The following RNF103 variants were observed in gnomAD, a reference collection of about 807,000 sequenced individuals.
The protein encoded by RNF103 is E3 ubiquitin-protein ligase RNF103.
A neutral mutation model predicts 66.2 loss-of-function variants in RNF103; 23 were observed. That is an observed-to-expected ratio of 0.35 (90% CI 0.25 to 0.49). RNF103 has a LOEUF of 0.49. Ranked by LOEUF, RNF103 falls within the 20% of genes least tolerant of loss-of-function variation. RNF103 has a pLI of 0.98. For synonymous variants in RNF103, 297 were observed against 289.9 expected, an observed-to-expected ratio of 1.02 and a Z score of -0.25; for missense variants, 730 against 814.7, an observed-to-expected ratio of 0.90 and a Z score of 1.27.
intron 2 of RNF103, chr2:86,614,592 G>T: frequency 4.9e-6 from 1 of 205,182 alleles, no homozygotes; most frequent in Non-Finnish European, 8.4e-6. Context: ...AACAGAGCAA[G>T]ACTCCATCTC....
In RNF103 at chr2:86,603,807, G is replaced by C; in HGVS notation, c.*36C>G. 2 of 1,562,228 alleles carry C rather than the reference G, an allele frequency of 1.3e-6. No homozygotes were observed. The highest frequency in any genetic ancestry group is 1.7e-6 in the Non-Finnish European group (2 of 1,158,106). ...CTAACATTAAAAAGGCAAGCTGTAA[G>C]ATACTCAAAGCTTATAAAGGACAAA... is the stretch of plus-strand genomic sequence containing the variant. On this transcript the variant is annotated 3_prime_UTR_variant, in exon 4 of 4. Coordinates refer to ENST00000237455, the MANE Select transcript of RNF103 (RefSeq NM_005667.4).
Position 86,622,876 on chromosome 2 carries a change from T to C in RNF103, c.11A>G (p.Lys4Arg). The change falls in exon 1 of 4, where the codon AAG becomes AGG. Residue 4 changes from lysine to arginine, a missense_variant. Transcript: ENST00000237455. MWLKLFFLLLYFLV... is the reference protein window; with the variant it reads MWLRLFFLLLYFLV... ...GAAATAGAGGAGCAAGAAAAAAAGC[T>C]TCAGCCACATCTTCCCTGGAGTTTC... The C allele has an allele frequency of 6.2e-7, 1 of 1,604,782 alleles. No homozygotes were observed.
Position 86,612,181 on chromosome 2 carries a change from A to G in RNF103, c.460T>C (p.Phe154Leu). Residue 154 changes from phenylalanine (F) to leucine (L), a missense_variant, in exon 3 of 4, where the codon TTT (phenylalanine) becomes CTT (leucine). By Grantham distance (22) the Phe-to-Leu change is conservative. This residue lies in a region of RNF103 where 327 missense variants were observed against 369.8 expected (regional missense o/e 0.88). Transcript: ENST00000237455. ...TACCTGGGATCACTGGAACAGTTAAATGTGCCTGTACGTATTCCAAATCTT... is the reference window on the plus strand; with the variant it reads ...TACCTGGGATCACTGGAACAGTTAAGTGTGCCTGTACGTATTCCAAATCTT... ...VSRFGIRTGT[F>L]NCSSDPRYCR... 6.2e-7 allele frequency: 1 copy of G among 1,612,554 alleles called. No individual in the cohort carries two copies. The highest frequency in any genetic ancestry group is 1.3e-5 in the African/African-American group (1 of 74,942).
intron 3 of RNF103, among the ~76,000 whole-genome samples, chr2:86,609,335 C>G (rs1396496337): frequency 6.6e-6 from 1 of 151,740 alleles, no homozygotes; most frequent in Non-Finnish European, 1.5e-5. Flanking sequence ...GCCTGCAGAA[C>G]AGTGAGCTAA....
rs752328725 is a variant in RNF103 at position 86,604,320 on chromosome 2, TTCC to T, written c.1578_1580del (p.Glu527del). 2.5e-5 allele frequency: 41 copies of T among 1,614,108 alleles called. No homozygotes were observed. The East Asian group carries it at 8.7e-4, about 34-fold the overall frequency. On this transcript the variant is annotated inframe_deletion, in exon 4 of 4. Transcript: ENST00000237455. ...CAGTATCTTGAGACCCCTCCGACAT[TTCC>T]TCTTCAGACTGGACTCCAAGACATT...
rs1679304598 is a variant in RNF103, at chr2:86,623,262, G to A, written c.-376C>T. On this transcript the variant is annotated 5_prime_UTR_variant, in exon 1 of 4. Transcript: ENST00000237455. Reference sequence around the variant, plus strand: ...CGGGGCGGGCACTGACCCAGGTGGCGGGGTCGGCCCTCCGGTGCCGCGATC... The same window carrying A: ...CGGGGCGGGCACTGACCCAGGTGGCAGGGTCGGCCCTCCGGTGCCGCGATC... 7 of 1,000,264 alleles carry A rather than the reference G, an allele frequency of 7.0e-6. No individual in the cohort carries two copies. Among genetic ancestry groups the A allele is most frequent in the Non-Finnish European group, 8.3e-6 (7 of 841,032 alleles). 62.0% of individuals were successfully genotyped at this position (1,000,264 alleles called of 1,614,324 possible).
intron 2 of RNF103, chr2:86,617,538 CAT>C (rs1679066925): frequency 1.6e-6 from 1 of 631,648 alleles, no homozygotes; most frequent in Middle Eastern, 8.1e-4. Context: ...TAGGAAAAAA[CAT>C]AGACTATATA....
chr2:86,610,304 A>G (rs1678744048), intron 3 of RNF103, among the ~76,000 whole-genome samples: 3 of 152,248 alleles, frequency 2.0e-5, no homozygotes. Context: ...GATTTAGAGG[A>G]AAACATCTGG....
At position 86,623,809 on chromosome 2, in the gene RNF103, G is replaced by A. The variant is rs766798905; in HGVS notation, c.-923C>T. On this transcript the variant is annotated 5_prime_UTR_variant, in exon 1 of 4. Transcript: ENST00000237455. ...ACCCCCGCCACCTCCGGAGACCGCG[G>A]CCGTACCCTCCACAACCGTGTATCA... 2 of 1,284,670 alleles carry A rather than the reference G, an allele frequency of 1.6e-6. No individual in the cohort carries two copies. Among genetic ancestry groups the A allele is most frequent in the Non-Finnish European group, 2.0e-6 (2 of 987,166 alleles). 79.6% of individuals were successfully genotyped at this position (1,284,670 alleles called of 1,614,324 possible).
intron 2 of RNF103, among the ~76,000 whole-genome samples, chr2:86,615,657 G>A (rs1678990839): frequency 6.6e-6 from 1 of 151,836 alleles, no homozygotes. Flanking sequence ...CATTAAAAGG[G>A]GAGACATTTT....
chr2:86,607,211 T>C (rs1678606378), intron 3 of RNF103, among the ~76,000 whole-genome samples: 1 of 152,218 alleles, frequency 6.6e-6, no homozygotes, highest in Non-Finnish European at 1.5e-5. Context: ...TGACTTCGCA[T>C]TTTGCTACTC....
At chr2:86,607,358 T>C (rs1321091089) in intron 3 of RNF103, among the ~76,000 whole-genome samples, 1 of 152,196 alleles carries the variant, frequency 6.6e-6, no homozygotes, top group Non-Finnish European at 1.5e-5. Context: ...TGTATAATGA[T>C]AATATGACTA....
At chr2:86,613,084 AC>A (rs1234590771) in intron 2 of RNF103, 1 of 152,110 alleles carries the variant, frequency 6.6e-6, no homozygotes, top group African/African-American at 2.4e-5. Flanking sequence ...ACATGGCAAA[AC>A]CCCGTCTCTA....
Position 86,622,895 on chromosome 2 carries a change from G to T in RNF103, c.-9C>A. On this transcript the variant is annotated 5_prime_UTR_variant, in exon 1 of 4. Transcript: ENST00000237455. Reference sequence around the variant, plus strand: ...AAAAGCTTCAGCCACATCTTCCCTGGAGTTTCCTCTCTTTCCAGAGAGCTC... The same window carrying T: ...AAAAGCTTCAGCCACATCTTCCCTGTAGTTTCCTCTCTTTCCAGAGAGCTC... 6.3e-7 allele frequency: 1 copy of T among 1,586,604 alleles called. No homozygotes were observed. The highest frequency in any genetic ancestry group is 2.3e-5 in the East Asian group (1 of 43,228).
rs754219648 is a variant in RNF103, at chr2:86,603,861, T to C, written c.2040A>G (p.Ser680=). The C allele has an allele frequency of 6.2e-7, 1 of 1,611,782 alleles. No homozygotes were observed. Among genetic ancestry groups the C allele is most frequent in the Non-Finnish European group, 8.5e-7 (1 of 1,179,182 alleles). The change falls in exon 4 of 4, where the codon TCA becomes TCG. Residue 680 remains serine (S), a synonymous_variant. Coordinates refer to ENST00000237455, the MANE Select transcript of RNF103 (RefSeq NM_005667.4). ...KQPYAQHQPL[S]NDVPS Reference sequence around the variant, plus strand: ...CACATGGTTAAGATGGGACATCATTTGACAAGGGCTGGTGTTGTGCATATG... The same window carrying C: ...CACATGGTTAAGATGGGACATCATTCGACAAGGGCTGGTGTTGTGCATATG...
intron 1 of RNF103, among the ~76,000 whole-genome samples, chr2:86,620,722 C>G (rs1308924088): frequency 2.0e-5 from 3 of 152,096 alleles, no homozygotes; most frequent in African/African-American, 7.2e-5. Context: ...TAGAACAGGG[C>G]TTATATTTTA....
intron 2 of RNF103, among the ~76,000 whole-genome samples, chr2:86,619,110 T>C (rs1168577871): frequency 6.6e-6 from 1 of 152,144 alleles, no homozygotes; most frequent in Non-Finnish European, 1.5e-5. Context: ...TACAGTACCA[T>C]TTTATCCTTT....
intron 2 of RNF103, chr2:86,616,867 A>G: frequency 1.0e-6 from 1 of 985,426 alleles, no homozygotes; most frequent in Non-Finnish European, 1.2e-6. Flanking sequence ...AATTATGCTA[A>G]CTTCTCCACT....
In RNF103 at chr2:86,622,773, C is replaced by A; in HGVS notation, c.114G>T (p.Val38=). The change falls in exon 1 of 4, where the codon GTG becomes GTT. Residue 38 remains valine, a synonymous_variant. Coordinates refer to ENST00000237455, the MANE Select transcript of RNF103 (RefSeq NM_005667.4). ...TCTTGAAGCTCAGCGCCACCGGATC[C>A]ACCAGCTGGGTGGCAAAGATGCCAG... The part of the protein sequence containing the change: ...YETGIFATQL[V]DPVALSFKKL... The A allele has an allele frequency of 6.2e-7, 1 of 1,614,196 alleles. No individual in the cohort carries two copies. Among genetic ancestry groups the A allele is most frequent in the Non-Finnish European group, 8.5e-7 (1 of 1,180,010 alleles).
Sources: allele counts gnomAD v4.1 joint callset (sites outside exome capture counted in the v4.1 genomes callset), GRCh38; gene constraint gnomAD v4.1.1; regional missense constraint gnomAD v4.1.1; transcripts MANE v1.5; gene names NCBI Gene and HGNC (gene_info 2026-07-23, HGNC 2026-07-21).